The following LUZP2 variants were observed in gnomAD, a reference collection of about 807,000 sequenced individuals.
LUZP2 encodes the protein leucine zipper protein 2.
LUZP2 carries 52 observed loss-of-function variants against 51.6 expected under a neutral mutation model. The observed-to-expected ratio is 1.01, with a 90% CI of 0.81 to 1.27. The LOEUF (loss-of-function observed/expected upper bound fraction) is 1.27. Ranked by LOEUF, LUZP2 falls within the 50% of genes most tolerant of loss-of-function variation. The probability of loss-of-function intolerance (pLI) is 0.00; values close to 1 mark genes in which losing one functional copy is unlikely to be tolerated. For synonymous variants in LUZP2, 154 were observed against 137.3 expected, an observed-to-expected ratio of 1.12 and a Z score of -0.85; for missense variants, 436 against 395.4, an observed-to-expected ratio of 1.10 and a Z score of -0.87.
chr11:24,587,827 TGTG>T (rs1853124880), intron 1 of LUZP2, among the ~76,000 whole-genome samples: 2 of 151,930 alleles, frequency 1.3e-5, no homozygotes, highest in Admixed American at 6.6e-5. Flanking sequence ...GGCAAACAGC[TGTG>T]GTGAGAGGGA....
At chr11:24,821,705 A>G (rs1456424936) in intron 5 of LUZP2, among the ~76,000 whole-genome samples, 5 of 152,096 alleles carry the variant, frequency 3.3e-5, no homozygotes, top group African/African-American at 1.2e-4. Context: ...TTCAAAAAGC[A>G]TGATGAAAGG....
intron 5 of LUZP2, among the ~76,000 whole-genome samples, chr11:24,834,163 G>T (rs1213400378): frequency 6.6e-6 from 1 of 151,830 alleles, no homozygotes; most frequent in African/African-American, 2.4e-5. Flanking sequence ...GTGCTATGGT[G>T]GTTTGCTGCA....
intron 10 of LUZP2, among the ~76,000 whole-genome samples, chr11:25,070,770 GGTGTGTGTGTGTGTGTGTGTGT>G (rs67504954): frequency 2.1e-5 from 3 of 141,388 alleles, no homozygotes; most frequent in South Asian, 2.3e-4. Flanking sequence ...GACTGTGTAT[GGTGTGTGTGTGTGTGTGTGTGT>G]GTGTGTGTGT....
intron 1 of LUZP2, among the ~76,000 whole-genome samples, chr11:24,654,037 A>G (rs1262728430): frequency 6.6e-6 from 1 of 152,216 alleles, no homozygotes; most frequent in Non-Finnish European, 1.5e-5. Flanking sequence ...AATTATAATA[A>G]TTTCTGGATA....
At chr11:24,826,577 C>T (rs1236294107) in intron 5 of LUZP2, among the ~76,000 whole-genome samples, 2 of 151,484 alleles carry the variant, frequency 1.3e-5, no homozygotes, top group Non-Finnish European at 2.9e-5. Context: ...GCACCCTCAC[C>T]AGATGCCTGG....
intron 3 of LUZP2, among the ~76,000 whole-genome samples, chr11:24,737,481 A>G (rs975975507): frequency 1.3e-5 from 2 of 149,452 alleles, no homozygotes; most frequent in South Asian, 4.3e-4. Context: ...TATCTGATCT[A>G]TTTGAGGTGA....
At chr11:24,738,453 T>C in intron 4 of LUZP2, 151 bp downstream of exon 4, 2 of 584,074 alleles carry the variant, frequency 3.4e-6, no homozygotes, top group South Asian at 2.5e-5. Flanking sequence ...AGAATAGTAC[T>C]TGGTCAGCTT....
At chr11:25,016,822 C>A (rs1380871670) in intron 9 of LUZP2, among the ~76,000 whole-genome samples, 1 of 152,014 alleles carries the variant, frequency 6.6e-6, no homozygotes, top group Non-Finnish European at 1.5e-5. Context: ...AATGGTAGAT[C>A]TACTTTTAGT....
At chr11:24,745,686 GT>G (rs1252788391) in intron 4 of LUZP2, among the ~76,000 whole-genome samples, 3 of 151,872 alleles carry the variant, frequency 2.0e-5, no homozygotes, top group Admixed American at 6.6e-5. Flanking sequence ...GTTTTGTTTT[GT>G]TTTGTTTTGA....
At chr11:24,964,783 A>T (rs550089903) in intron 7 of LUZP2, among the ~76,000 whole-genome samples, 2 of 152,120 alleles carry the variant, frequency 1.3e-5, no homozygotes, top group South Asian at 4.1e-4. Context: ...CTTCTAGATT[A>T]TATCTCAAAG....
intron 10 of LUZP2, among the ~76,000 whole-genome samples, chr11:25,055,990 A>T (rs1309074722): frequency 6.6e-6 from 1 of 152,172 alleles, no homozygotes; most frequent in Non-Finnish European, 1.5e-5. Context: ...CCATTCCCTT[A>T]TGAAAGCTAT....
At chr11:24,662,923 C>T (rs1213447052) in intron 1 of LUZP2, among the ~76,000 whole-genome samples, 2 of 151,766 alleles carry the variant, frequency 1.3e-5, no homozygotes, top group African/African-American at 4.8e-5. Flanking sequence ...ACAGTTAATC[C>T]TTTAAATAAA....
chr11:24,655,886 C>T (rs1051720158), intron 1 of LUZP2, among the ~76,000 whole-genome samples: 3 of 152,134 alleles, frequency 2.0e-5, no homozygotes, highest in Admixed American at 6.5e-5. Flanking sequence ...AAGTGAGATA[C>T]GAGTATGATA....
Position 24,844,033 on chromosome 11 carries a change from G to A in LUZP2, c.397-61958G>A, listed in dbSNP as rs1851120317. The stretch of plus-strand genomic sequence containing the variant: ...AGTAGATTGGTACCAGTAGAGTGGG[G>A]CATTGCTAAAAAGATACCCAGAGAT... On this transcript the variant is annotated intron_variant, in intron 5 of 11. Coordinates refer to ENST00000336930, the MANE Select transcript of LUZP2 (RefSeq NM_001009909.4). 1.3e-5 allele frequency among the ~76,000 whole-genome samples: 2 copies of A among 152,136 alleles called. 1 individual carries two copies. The highest frequency in any genetic ancestry group is 4.1e-4 in the South Asian group (2 of 4,826).
intron 5 of LUZP2, among the ~76,000 whole-genome samples, chr11:24,793,148 G>A (rs1051707293): frequency 3.9e-5 from 6 of 152,076 alleles, no homozygotes; most frequent in Non-Finnish European, 8.8e-5. Context: ...TTCCATGCTG[G>A]AACAGGTCAG....
At chr11:24,656,603 G>A (rs1169920309) in intron 1 of LUZP2, among the ~76,000 whole-genome samples, 2 of 152,158 alleles carry the variant, frequency 1.3e-5, no homozygotes, top group East Asian at 1.9e-4. Context: ...ATCTTCTTCC[G>A]AGCTCCTTCA....
intron 1 of LUZP2, among the ~76,000 whole-genome samples, chr11:24,502,394 G>A (rs1463982177): frequency 6.6e-6 from 1 of 151,538 alleles, no homozygotes; most frequent in South Asian, 2.1e-4. Context: ...TTGTTTGTTT[G>A]TTTGTTTTTG....
At chr11:24,786,263 T>TA in intron 5 of LUZP2, 1 of 970,290 alleles carries the variant, frequency 1.0e-6, no homozygotes, top group Non-Finnish European at 1.2e-6. Flanking sequence ...ATGTTTGATA[T>TA]AAAAATTATA....
chr11:24,551,331 A>G (rs927863240), intron 1 of LUZP2, among the ~76,000 whole-genome samples: 4 of 152,092 alleles, frequency 2.6e-5, no homozygotes, highest in Admixed American at 2.6e-4. Context: ...GAAAGAAGCC[A>G]GTAATAGAAG....
Sources: allele counts gnomAD v4.1 joint callset (sites outside exome capture counted in the v4.1 genomes callset), GRCh38; gene constraint gnomAD v4.1.1; transcripts MANE v1.5; gene names NCBI Gene and HGNC (gene_info 2026-07-23, HGNC 2026-07-21).